PDK1: variants seen among roughly 807,000 people sequenced by gnomAD.
PDK1 encodes the protein [Pyruvate dehydrogenase (acetyl-transferring)] kinase isozyme 1, mitochondrial.
Under a neutral mutation model 54.2 loss-of-function variants are expected in PDK1, and 39 were observed. The ratio of observed to expected loss-of-function variants is 0.72; its 90% CI spans 0.56 to 0.94. PDK1 has a LOEUF of 0.94. Ranked by LOEUF, PDK1 falls within the 40% of genes least tolerant of loss-of-function variation. PDK1 has a pLI of 0.00. For missense variants in PDK1, 552 were observed against 566.0 expected (o/e 0.98, Z 0.25); for synonymous variants, 221 against 207.1 (o/e 1.07, Z -0.58).
rs36031428 is a variant in PDK1, at chr2:172,571,823, CTTT to C, written c.945+1023_945+1025del. 9.0e-4 allele frequency among the ~76,000 whole-genome samples: 90 copies of C among 99,798 alleles called. 8 individuals are homozygous for C. The highest frequency in any genetic ancestry group is 3.0e-3 in the African/African-American group (78 of 25,622). The allele number at this position is 99,798 out of a possible 152,430, so 65.5% of individuals were successfully genotyped here. A position where few individuals can be genotyped will look rare whatever the true frequency, so the allele number is the denominator to read the frequency against. On this transcript the variant is annotated intron_variant, in intron 8 of 10. Coordinates refer to ENST00000282077, the MANE Select transcript of PDK1 (RefSeq NM_002610.5). ...CTCAGAGATTCTTAGTCTTTCTTTA[CTTT>C]TTTTTTTTTTTTTTTTTTTTTTTGA...
chr2:172,556,243 C>A lies in PDK1; in HGVS notation c.93C>A (p.Asp31Glu). 6.8e-7 allele frequency: 1 copy of A among 1,467,522 alleles called. No homozygotes were observed. Among genetic ancestry groups the A allele is most frequent in the Non-Finnish European group, 9.0e-7 (1 of 1,115,968 alleles). The allele number at this position is 1,467,522 out of a possible 1,614,324, so 90.9% of individuals were successfully genotyped here. A position where few individuals can be genotyped will look rare whatever the true frequency, so the allele number is the denominator to read the frequency against. ...GCTTCAGCCGCAGCTTCAGCTCGGA[C>A]TCGGGCTCCAGCCCGGCGTCCGAGC... The part of the protein sequence containing the change: ...AAGFSRSFSS[D>E]SGSSPASERG... The change falls in exon 1 of 11, where the codon GAC (aspartate) becomes GAA (glutamate). Residue 31 changes from aspartate to glutamate, a missense_variant. Asp to Glu is a conservative substitution (Grantham distance 45). Transcript: ENST00000282077.
chr2:172,689,651 G>C, the PDK1 span, among the ~76,000 whole-genome samples: 3 of 152,082 alleles, frequency 2.0e-5, no homozygotes, highest in Non-Finnish European at 4.4e-5. Flanking sequence ...CCAAAACAGA[G>C]ATATAGACCA....
At chr2:172,696,199 A>C in the PDK1 span, among the ~76,000 whole-genome samples, 2 of 151,676 alleles carry the variant, frequency 1.3e-5, no homozygotes, top group Non-Finnish European at 2.9e-5. Flanking sequence ...GAAAAAAAAA[A>C]GCTTAGGAGA....
chr2:172,563,919 T>C, intron 3 of PDK1: 1 of 438,130 alleles, frequency 2.3e-6, no homozygotes, highest in South Asian at 1.7e-5. Context: ...GAAGACTAGA[T>C]GATTTGAAGA....
chr2:172,638,353 T>C, the PDK1 span, among the ~76,000 whole-genome samples: 11 of 152,250 alleles, frequency 7.2e-5, no homozygotes, highest in African/African-American at 2.2e-4. Context: ...TTTTATCTTC[T>C]TGCTGACATA....
At chr2:172,560,454 C>T (rs777564879) in intron 2 of PDK1, among the ~76,000 whole-genome samples, 22 of 152,208 alleles carry the variant, frequency 1.4e-4, no homozygotes, top group Non-Finnish European at 2.8e-4. Flanking sequence ...AGACATGAGC[C>T]ACCGCACCTG....
the PDK1 span, among the ~76,000 whole-genome samples, chr2:172,698,174 T>G: frequency 6.6e-6 from 1 of 152,194 alleles, no homozygotes; most frequent in Non-Finnish European, 1.5e-5. Flanking sequence ...GTTTTGTGTA[T>G]CTACATGGAG....
chr2:172,615,074 G>C, the PDK1 span, among the ~76,000 whole-genome samples: 5 of 152,256 alleles, frequency 3.3e-5, no homozygotes, highest in African/African-American at 1.2e-4. Flanking sequence ...TGTGTGGGTG[G>C]AGTGGCCGCC....
the PDK1 span, among the ~76,000 whole-genome samples, chr2:172,653,957 G>A: frequency 1.4e-4 from 21 of 152,132 alleles, no homozygotes; most frequent in Non-Finnish European, 2.6e-4. Context: ...CAAAAAGTGG[G>A]CAAAGGATAT....
At chr2:172,637,583 A>T in the PDK1 span, among the ~76,000 whole-genome samples, 3 of 152,238 alleles carry the variant, frequency 2.0e-5, no homozygotes, top group South Asian at 4.1e-4. Context: ...CTGTAGATTT[A>T]CATTTAAGTC....
At chr2:172,650,998 A>C in the PDK1 span, among the ~76,000 whole-genome samples, 1 of 152,066 alleles carries the variant, frequency 6.6e-6, no homozygotes, top group Non-Finnish European at 1.5e-5. Flanking sequence ...CATCTACAGA[A>C]CTCTCCACCC....
the PDK1 span, among the ~76,000 whole-genome samples, chr2:172,667,224 G>A: frequency 6.6e-6 from 1 of 152,188 alleles, no homozygotes; most frequent in African/African-American, 2.4e-5. Context: ...TAGGACTGGG[G>A]TGGTCAGAAA....
At chr2:172,637,972 G>C in the PDK1 span, among the ~76,000 whole-genome samples, 1 of 152,102 alleles carries the variant, frequency 6.6e-6, no homozygotes, top group African/African-American at 2.4e-5. Context: ...TGGGATTACA[G>C]GTGTGAGCCA....
At chr2:172,638,839 T>G in the PDK1 span, among the ~76,000 whole-genome samples, 1 of 152,126 alleles carries the variant, frequency 6.6e-6, no homozygotes, top group Non-Finnish European at 1.5e-5. Context: ...TTTTAATGAT[T>G]CCACATATAA....
At position 172,590,926 on chromosome 2, in the gene PDK1, C is replaced by T. The variant is rs576027754; in HGVS notation, c.1057-2009C>T. Among the ~76,000 whole-genome samples, 101 of 152,294 alleles carry T rather than the reference C, an allele frequency of 6.6e-4. 1 individual carries two copies. The highest frequency in any genetic ancestry group is 2.4e-3 in the African/African-American group (98 of 41,558). ...CAACTGGCTTCACCTCTCCATCCCC[C>T]CTCTAAACAGTATACCCCAACTGTT... On this transcript the variant is annotated intron_variant, in intron 9 of 10. Coordinates refer to ENST00000282077, the MANE Select transcript of PDK1 (RefSeq NM_002610.5).
chr2:172,663,628 G>A, the PDK1 span, among the ~76,000 whole-genome samples: 1 of 152,154 alleles, frequency 6.6e-6, no homozygotes, highest in African/African-American at 2.4e-5. Flanking sequence ...CAACCAGCCT[G>A]CCCACTGAGG....
rs1490975960 is a variant in PDK1 at position 172,607,451 on chromosome 2, T to C, written c.*11482T>C. ...AGCCAAGGATGATGGCTTCAACATG[T>C]CTCCAGTTGTTTTGCCACTCCAGGG... is the stretch of plus-strand genomic sequence containing the variant. On this transcript the variant is annotated 3_prime_UTR_variant, in exon 11 of 11. Coordinates refer to ENST00000282077, the MANE Select transcript of PDK1 (RefSeq NM_002610.5). The C allele has an allele frequency of 6.6e-6, 1 of 152,230 alleles. No homozygotes were observed. The highest frequency in any genetic ancestry group is 1.9e-4 in the East Asian group (1 of 5,204). The allele number at this position is 152,230 out of a possible 1,614,324, so 9.4% of individuals were successfully genotyped here.
chr2:172,705,435 C>T, the PDK1 span, among the ~76,000 whole-genome samples: 1 of 152,222 alleles, frequency 6.6e-6, no homozygotes, highest in Non-Finnish European at 1.5e-5. Flanking sequence ...CCCTGGGAAT[C>T]TTTGAGTGAA....
At chr2:172,632,857 G>C in the PDK1 span, among the ~76,000 whole-genome samples, 1 of 151,396 alleles carries the variant, frequency 6.6e-6, no homozygotes, top group African/African-American at 2.4e-5. Context: ...GCGCGCACCT[G>C]TAGTCCCAGC....
Sources: allele counts gnomAD v4.1 joint callset (sites outside exome capture counted in the v4.1 genomes callset), GRCh38; gene constraint gnomAD v4.1.1; transcripts MANE v1.5; gene names NCBI Gene and HGNC (gene_info 2026-07-23, HGNC 2026-07-21).